Variants in GRM8 observed in about 807,000 individuals in gnomAD.
The protein encoded by GRM8 is glutamate metabotropic receptor 8.
In GRM8, 47 loss-of-function variants were observed where a neutral mutation model predicts 87.2. The observed-to-expected ratio is 0.54, with a 90% CI of 0.43 to 0.69. GRM8 has a LOEUF of 0.69. GRM8 is among the 30% of genes least tolerant of loss of function. GRM8 has a pLI of 0.00. For missense variants in GRM8, 1,019 were observed against 1,139.2 expected, an observed-to-expected ratio of 0.89 and a Z score of 1.52; for synonymous variants, 396 against 404.5, an observed-to-expected ratio of 0.98 and a Z score of 0.25.
At chr7:126,744,767 C>A (rs763570398) in intron 7 of GRM8, among the ~76,000 whole-genome samples, 9 of 151,826 alleles carry the variant, frequency 5.9e-5, no homozygotes, top group Non-Finnish European at 1.0e-4. Context: ...GACCAGATTT[C>A]TTTACATTCC....
At chr7:127,142,838 TAAAA>T (rs1295344882) in intron 2 of GRM8, among the ~76,000 whole-genome samples, 2 of 152,056 alleles carry the variant, frequency 1.3e-5, no homozygotes, top group African/African-American at 4.8e-5. Flanking sequence ...CGACAACAGA[TAAAA>T]ATCCCTGCAT....
chr7:126,908,039 T>C lies in GRM8; in HGVS notation c.728-3356A>G, dbSNP rs182314308. On this transcript the variant is annotated intron_variant, in intron 3 of 10. Coordinates refer to ENST00000339582, the MANE Select transcript of GRM8 (RefSeq NM_000845.3). ...TAAACAAGTGGGAAATCCAGGAGGA[T>C]AAGGAGGAGGAAAGAATGATTTTGA... 2.1e-3 allele frequency among the ~76,000 whole-genome samples: 327 copies of C among 152,162 alleles called. 3 individuals carry two copies. Among genetic ancestry groups the C allele is most frequent in the African/African-American group, 7.6e-3 (316 of 41,502 alleles).
At chr7:127,249,738 C>T (rs1454117843) in intron 1 of GRM8, among the ~76,000 whole-genome samples, 2 of 152,186 alleles carry the variant, frequency 1.3e-5, no homozygotes, top group South Asian at 2.1e-4. Context: ...AATAAGCCAG[C>T]CAACTCTCAG....
At chr7:126,514,685 T>C (rs1811922116) in intron 9 of GRM8, among the ~76,000 whole-genome samples, 4 of 151,976 alleles carry the variant, frequency 2.6e-5, no homozygotes, top group Admixed American at 2.6e-4. Context: ...GCTTATAAAA[T>C]TAAATAAAAA....
At chr7:127,055,839 G>C (rs1000761463) in intron 3 of GRM8, among the ~76,000 whole-genome samples, 7 of 151,978 alleles carry the variant, frequency 4.6e-5, no homozygotes, top group Non-Finnish European at 7.4e-5. Flanking sequence ...GAAGTGAATT[G>C]CTAGGGTAAA....
At chr7:126,474,081 A>G (rs1805616790) in intron 9 of GRM8, among the ~76,000 whole-genome samples, 1 of 152,168 alleles carries the variant, frequency 6.6e-6, no homozygotes, top group South Asian at 2.1e-4. Context: ...TTCTCTCAGC[A>G]ATATCTCATA....
At chr7:126,994,549 A>G (rs1375057526) in intron 3 of GRM8, among the ~76,000 whole-genome samples, 1 of 152,134 alleles carries the variant, frequency 6.6e-6, no homozygotes, top group East Asian at 1.9e-4. Context: ...AGCATTGACC[A>G]CAATCTGACT....
chr7:127,222,608 G>A (rs1246799250), intron 2 of GRM8, among the ~76,000 whole-genome samples: 1 of 152,140 alleles, frequency 6.6e-6, no homozygotes, highest in Non-Finnish European at 1.5e-5. Flanking sequence ...AGTTTGCACT[G>A]GTTTCTTTCA....
In GRM8 at chr7:127,049,194, G is replaced by GA. The variant is rs746837821; in HGVS notation, c.727+57301dup. ...TTCCATCATAATTTTAGTAGGTCTA[G>GA]AAAAATCATCTCTCTCTCTGTTAAA... On this transcript the variant is annotated intron_variant, in intron 3 of 10. Transcript: ENST00000339582. Among the ~76,000 whole-genome samples, 8 of 152,152 alleles carry GA rather than the reference G, an allele frequency of 5.3e-5. No homozygotes were observed. The Middle Eastern group carries it at 0.014, about 259-fold the overall frequency.
At chr7:126,530,471 A>T (rs145243034) in intron 9 of GRM8, among the ~76,000 whole-genome samples, 42 of 152,354 alleles carry the variant, frequency 2.8e-4, no homozygotes, top group African/African-American at 8.4e-4. Context: ...TCATGAAGGC[A>T]TGGGCTGGGA....
At chr7:127,212,478 C>T (rs979519606) in intron 2 of GRM8, among the ~76,000 whole-genome samples, 3 of 131,266 alleles carry the variant, frequency 2.3e-5, no homozygotes, top group Non-Finnish European at 4.6e-5. Context: ...AGTGCAGTGG[C>T]GGGATCTCGG....
chr7:127,105,356 C>T (rs1042784122), intron 3 of GRM8: 2 of 152,150 alleles, frequency 1.3e-5, no homozygotes, highest in Non-Finnish European at 2.9e-5. Flanking sequence ...CAAGACCAGG[C>T]CTTTCATACA....
intron 9 of GRM8, among the ~76,000 whole-genome samples, chr7:126,466,530 G>A (rs1337624767): frequency 4.6e-5 from 7 of 151,832 alleles, no homozygotes; most frequent in Non-Finnish European, 8.8e-5. Context: ...CAATTATAGA[G>A]GCTGAGAATT....
rs575021768 is a variant in GRM8, at chr7:127,196,427, G to C, written c.510+46268C>G. 9.9e-5 allele frequency among the ~76,000 whole-genome samples: 15 copies of C among 151,908 alleles called. No homozygotes were observed. The East Asian group carries it at 2.9e-3, about 29-fold the overall frequency. ...CAGCTACTTGGAGGCTAAGGTGGGA[G>C]AATCACTTGAACCCAGGAGGCAGAG... On this transcript the variant is annotated intron_variant, in intron 2 of 10. Transcript: ENST00000339582.
rs200158634 is a variant in GRM8 at position 126,853,317 on chromosome 7, GT to G, written c.1156+49224del. On this transcript the variant is annotated intron_variant, in intron 6 of 10. Coordinates refer to ENST00000339582, the MANE Select transcript of GRM8 (RefSeq NM_000845.3). The stretch of plus-strand genomic sequence containing the variant: ...TAACAGATGATGGAGGTCGCAAGGT[GT>G]TTTTTTTGTTTGTTTTTTTTAAGTC... Among the ~76,000 whole-genome samples the G allele has an allele frequency of 5.3e-5, 8 of 151,840 alleles. No homozygotes were observed. The South Asian group carries it at 1.3e-3, about 24-fold the overall frequency.
chr7:127,211,048 T>C (rs2116629849), intron 2 of GRM8, among the ~76,000 whole-genome samples: 1 of 152,288 alleles, frequency 6.6e-6, no homozygotes, highest in African/African-American at 2.4e-5. Context: ...ATATTGGAAC[T>C]TGTATTAGGG....
intron 7 of GRM8, among the ~76,000 whole-genome samples, chr7:126,610,094 T>C (rs1563008973): frequency 6.6e-6 from 1 of 152,182 alleles, no homozygotes; most frequent in East Asian, 1.9e-4. Context: ...ATGATTGTTC[T>C]CCCCCTTCAC....
At chr7:126,592,606 C>A (rs1358562040) in intron 8 of GRM8, among the ~76,000 whole-genome samples, 4 of 151,822 alleles carry the variant, frequency 2.6e-5, no homozygotes, top group Middle Eastern at 3.4e-3. Context: ...AAACTCTCAA[C>A]AATTAGGTAT....
intron 9 of GRM8, among the ~76,000 whole-genome samples, chr7:126,485,398 G>A (rs6467084): frequency 0.22 from 33,007 of 151,540 alleles, 3,761 homozygotes; most frequent in Middle Eastern, 0.28. Flanking sequence ...GCTTTCCAGG[G>A]GAGGAAAATA....
Sources: gnomAD v4.1 joint callset for allele counts (sites outside exome capture counted in the v4.1 genomes callset) on GRCh38, gnomAD v4.1.1 for gene constraint, MANE v1.5 for transcripts, NCBI Gene and HGNC (gene_info 2026-07-23, HGNC 2026-07-21) for gene names.